CPT1A: variants seen among roughly 807,000 people sequenced by gnomAD.
The protein encoded by CPT1A is carnitine palmitoyltransferase 1A, also known as carnitine O-palmitoyltransferase 1, liver isoform.
In CPT1A, 64 loss-of-function variants were observed where a neutral mutation model predicts 100.8. The observed-to-expected ratio is 0.63, with a 90% CI of 0.52 to 0.78. The LOEUF is 0.78. CPT1A is among the 30% of genes least tolerant of loss of function. The pLI, the probability that CPT1A is intolerant of heterozygous loss-of-function variation, is 0.00. For synonymous variants in CPT1A, 363 were observed against 396.0 expected, an observed-to-expected ratio of 0.92 and a Z score of 0.99; for missense variants, 802 against 1,034.1, an observed-to-expected ratio of 0.78 and a Z score of 3.08.
intron 6 of CPT1A, among the ~76,000 whole-genome samples, 173 bp from the exon 7 acceptor site, chr11:68,797,106 C>T (rs534696623): frequency 6.6e-6 from 1 of 152,224 alleles, no homozygotes; most frequent in South Asian, 2.1e-4. Context: ...TGGAATGCGA[C>T]ACCGTGGGAA....
At chr11:68,834,124 A>G (rs1407506890) in intron 1 of CPT1A, among the ~76,000 whole-genome samples, 1 of 152,218 alleles carries the variant, frequency 6.6e-6, no homozygotes, top group Admixed American at 6.5e-5. Context: ...GGGTCAATAT[A>G]ATGGGTCGTC....
At chr11:68,833,721 C>T (rs369904326) in intron 1 of CPT1A, among the ~76,000 whole-genome samples, 5 of 150,986 alleles carry the variant, frequency 3.3e-5, no homozygotes, top group African/African-American at 9.7e-5. Flanking sequence ...GCAACAAGAG[C>T]GAAACTCCAT....
chr11:68,759,665 G>A lies in CPT1A; in HGVS notation c.2143-4C>T, dbSNP rs1304137099. 1.2e-6 allele frequency: 2 copies of A among 1,601,864 alleles called. No individual in the cohort carries two copies. Among genetic ancestry groups the A allele is most frequent in the South Asian group, 1.1e-5 (1 of 90,872 alleles). ...CACCATAGCCGTCATCAGCAACCTG[G>A]AGGACAAGGGAATTTGAATTTGTTG... On this transcript the variant is annotated splice_region_variant and splice_polypyrimidine_tract_variant and intron_variant, in intron 17 of 18. Coordinates refer to ENST00000265641, the MANE Select transcript of CPT1A (RefSeq NM_001876.4).
intron 14 of CPT1A, among the ~76,000 whole-genome samples, chr11:68,772,929 ATTTCCACT>A (rs1855030186): frequency 6.6e-6 from 1 of 152,008 alleles, no homozygotes; most frequent in African/African-American, 2.4e-5. Flanking sequence ...TGCCCACACT[ATTTCCACT>A]TTAGCAAATG....
At chr11:68,777,657 A>G (rs1446978370) in intron 12 of CPT1A, among the ~76,000 whole-genome samples, 1 of 152,196 alleles carries the variant, frequency 6.6e-6, no homozygotes, top group African/African-American at 2.4e-5. Context: ...CTGGTCTAAG[A>G]TAAAATCCCT....
chr11:68,821,025 C>T (rs1349508034), intron 1 of CPT1A, among the ~76,000 whole-genome samples: 1 of 152,320 alleles, frequency 6.6e-6, no homozygotes, highest in African/African-American at 2.4e-5. Context: ...GACACAGTCT[C>T]GCTCTGTCCC....
At chr11:68,835,604 C>T (rs1175677840) in intron 1 of CPT1A, among the ~76,000 whole-genome samples, 1 of 151,946 alleles carries the variant, frequency 6.6e-6, no homozygotes, top group Admixed American at 6.5e-5. Flanking sequence ...TCACAAAACT[C>T]GTGTGACATG....
intron 1 of CPT1A, among the ~76,000 whole-genome samples, chr11:68,836,774 G>GAAAGA (rs557040883): frequency 0.011 from 1,482 of 136,678 alleles, 26 homozygotes; most frequent in African/African-American, 0.038. Flanking sequence ...TTCCTCAAAA[G>GAAAGA]AAAGAAAAGA....
chr11:68,809,752 C>A (rs896692786), intron 3 of CPT1A, among the ~76,000 whole-genome samples: 3 of 152,128 alleles, frequency 2.0e-5, no homozygotes, highest in African/African-American at 7.2e-5. Flanking sequence ...CAGGGATGGC[C>A]CAGTTTACCA....
chr11:68,805,192 G>A (rs1856006711), intron 4 of CPT1A, among the ~76,000 whole-genome samples: 1 of 152,166 alleles, frequency 6.6e-6, no homozygotes, highest in Admixed American at 6.5e-5. Context: ...GCTCACGCCT[G>A]TTGATCCCAG....
chr11:68,761,585 G>A lies in CPT1A; in HGVS notation c.1978C>T (p.Leu660Phe), dbSNP rs1426004651. The change falls in exon 16 of 19, where the codon CTT (leucine) becomes TTT (phenylalanine). Residue 660 changes from leucine to phenylalanine, a missense_variant. Around this residue, in one of 4 missense-constraint regions of CPT1A, gnomAD observed 627 missense variants for 799.3 expected, o/e 0.78. Transcript: ENST00000265641. ...GCGAGATATTTAGACACCACGTAAA[G>A]GCAGAAGAGGTGACGATCGATCCCA... ...GSGIDRHLFC[L>F]YVVSKYLAVE... The A allele has an allele frequency of 6.2e-7, 1 of 1,614,066 alleles. No individual in the cohort carries two copies. The highest frequency in any genetic ancestry group is 8.5e-7 in the Non-Finnish European group (1 of 1,180,006).
intron 6 of CPT1A, among the ~76,000 whole-genome samples, chr11:68,797,758 A>G (rs1314267817): frequency 1.3e-5 from 2 of 152,186 alleles, no homozygotes; most frequent in Non-Finnish European, 2.9e-5. Flanking sequence ...CGGGCTGATC[A>G]CTTGAGGTTA....
At position 68,764,696 on chromosome 11, in the gene CPT1A, G is replaced by A. The variant is rs145440650; in HGVS notation, c.1741-1935C>T. 2.7e-3 allele frequency among the ~76,000 whole-genome samples: 404 copies of A among 152,326 alleles called. 3 individuals carry two copies. Among genetic ancestry groups the A allele is most frequent in the African/African-American group, 9.2e-3 (382 of 41,572 alleles). ...CTGGAGGAGAGGAGGCCCCTGAAAG[G>A]CAGAAGGTAGCGTCCAGGACCAGGG... On this transcript the variant is annotated intron_variant, in intron 14 of 18. Coordinates refer to ENST00000265641, the MANE Select transcript of CPT1A (RefSeq NM_001876.4).
At chr11:68,778,177 G>T (rs1177442291) in intron 12 of CPT1A, among the ~76,000 whole-genome samples, 3 of 151,880 alleles carry the variant, frequency 2.0e-5, no homozygotes, top group Non-Finnish European at 4.4e-5. Context: ...CCAACCAGAA[G>T]TAAGACAATT....
intron 2 of CPT1A, 102 bp downstream of exon 2, chr11:68,815,232 T>C: frequency 8.5e-7 from 1 of 1,177,240 alleles, no homozygotes; most frequent in Non-Finnish European, 1.2e-6. Flanking sequence ...GTAAGTGATA[T>C]GCAGTCGCCA....
At chr11:68,824,677 C>A (rs981668433) in intron 1 of CPT1A, among the ~76,000 whole-genome samples, 12 of 152,264 alleles carry the variant, frequency 7.9e-5, no homozygotes, top group Non-Finnish European at 8.8e-5. Context: ...CCTGCCTCAG[C>A]CTCCTGAGTA....
At chr11:68,834,325 A>C (rs1246332765) in intron 1 of CPT1A, among the ~76,000 whole-genome samples, 1 of 152,160 alleles carries the variant, frequency 6.6e-6, no homozygotes, top group African/African-American at 2.4e-5. Flanking sequence ...TAATCCAGCT[A>C]TTCGGGAGGC....
intron 1 of CPT1A, among the ~76,000 whole-genome samples, chr11:68,829,368 C>G (rs1198180721): frequency 6.6e-6 from 1 of 152,144 alleles, no homozygotes; most frequent in African/African-American, 2.4e-5. Context: ...TTCTTCCATG[C>G]CCAGGTATCG....
At chr11:68,773,861 G>A (rs1391944846) in intron 13 of CPT1A, 2 of 267,984 alleles carry the variant, frequency 7.5e-6, no homozygotes, top group Non-Finnish European at 1.5e-5. Flanking sequence ...TGAAGCATGC[G>A]CACTGAGAGG....
Sources: allele counts gnomAD v4.1 joint callset (sites outside exome capture counted in the v4.1 genomes callset), GRCh38; gene constraint gnomAD v4.1.1; regional missense constraint gnomAD v4.1.1; transcripts MANE v1.5; gene names NCBI Gene and HGNC (gene_info 2026-07-23, HGNC 2026-07-21).